GPHN: variants seen among roughly 807,000 people sequenced by gnomAD.
The protein encoded by GPHN is gephyrin.
In GPHN, 17 loss-of-function variants were observed where a neutral mutation model predicts 95.5. The observed-to-expected ratio is 0.18, with a 90% CI of 0.12 to 0.27. The LOEUF (loss-of-function observed/expected upper bound fraction) is 0.27. Ranked by LOEUF, GPHN falls within the 10% of genes least tolerant of loss-of-function variation. The probability of loss-of-function intolerance (pLI) is 1.00; values close to 1 mark genes in which losing one functional copy is unlikely to be tolerated. For synonymous variants in GPHN, 320 were observed against 322.5 expected (o/e 0.99, Z 0.08); for missense variants, 660 against 978.1 (o/e 0.67, Z 4.34).
At chr14:67,018,062 C>T (rs1193634411) in intron 9 of GPHN, among the ~76,000 whole-genome samples, 1 of 152,060 alleles carries the variant, frequency 6.6e-6, no homozygotes, top group Non-Finnish European at 1.5e-5. Flanking sequence ...TAAGAACCTG[C>T]AGTCTACTTG....
the GPHN span, chr14:67,488,811 T>C: frequency 6.6e-6 from 1 of 152,258 alleles, no homozygotes; most frequent in African/African-American, 2.4e-5. Context: ...CCTGCTGAGG[T>C]GCAGCCCTGG....
At chr14:66,640,339 T>C (rs923672621) in intron 1 of GPHN, among the ~76,000 whole-genome samples, 2 of 152,142 alleles carry the variant, frequency 1.3e-5, no homozygotes, top group African/African-American at 4.8e-5. Context: ...GGAGCATCAC[T>C]TGAACCTTGG....
chr14:67,283,550 A>G, the GPHN span, among the ~76,000 whole-genome samples: 8 of 152,282 alleles, frequency 5.3e-5, no homozygotes, highest in South Asian at 2.1e-4. Context: ...TTGTTTAGCT[A>G]TTGTTACAGA....
At chr14:67,341,121 CTG>C in the GPHN span, among the ~76,000 whole-genome samples, 2 of 152,208 alleles carry the variant, frequency 1.3e-5, no homozygotes, top group African/African-American at 4.8e-5. Context: ...AGGAGCCTCT[CTG>C]CCTGGCCGCC....
the GPHN span, chr14:67,573,325 A>C: frequency 6.2e-7 from 1 of 1,613,812 alleles, no homozygotes; most frequent in South Asian, 1.1e-5. This position sits in a 1 kb window ranked among gnomAD's most constrained non-coding sequence, Gnocchi z 4.8. Flanking sequence ...AGCCAGGTGA[A>C]GACGTGGAAG....
chr14:67,255,701 G>C, the GPHN span, among the ~76,000 whole-genome samples: 3 of 152,210 alleles, frequency 2.0e-5, no homozygotes, highest in Admixed American at 1.3e-4. Context: ...TTGTTTTTGA[G>C]ATGGAGTCTC....
the GPHN span, among the ~76,000 whole-genome samples, chr14:67,556,989 C>T: frequency 5.3e-5 from 8 of 152,354 alleles, no homozygotes; most frequent in African/African-American, 1.9e-4. Flanking sequence ...GCACAAGACC[C>T]AGCTGCTTTT....
chr14:67,208,260 A>T, the GPHN span: 8 of 1,613,946 alleles, frequency 5.0e-6, no homozygotes, highest in Non-Finnish European at 6.8e-6. Flanking sequence ...AGTAAGAGTG[A>T]GTTGAAAGAA....
At chr14:66,840,940 T>C (rs949031242) in intron 4 of GPHN, among the ~76,000 whole-genome samples, 7 of 149,348 alleles carry the variant, frequency 4.7e-5, no homozygotes, top group Non-Finnish European at 1.0e-4. Context: ...TAATGCTTCA[T>C]GGACTCAAAT....
chr14:67,583,825 G>A, the GPHN span: 2 of 1,613,254 alleles, frequency 1.2e-6, no homozygotes, highest in South Asian at 1.1e-5. Flanking sequence ...TCTCCAGCAG[G>A]TCCTAGACAG....
chr14:66,806,079 C>T (rs750185041), intron 3 of GPHN, among the ~76,000 whole-genome samples: 16 of 152,312 alleles, frequency 1.1e-4, no homozygotes, highest in South Asian at 8.3e-4. Context: ...ATCTAGATGG[C>T]GGTTCCCAAA....
At chr14:66,523,156 A>C (rs1212438370) in intron 1 of GPHN, among the ~76,000 whole-genome samples, 1 of 152,140 alleles carries the variant, frequency 6.6e-6, no homozygotes, top group Non-Finnish European at 1.5e-5. Context: ...AGAAAAAGAC[A>C]CAGACATTCA....
At position 67,136,930 on chromosome 14, in the gene GPHN, T is replaced by C. The variant is rs535877359; in HGVS notation, c.1749-6432T>C. 2.2e-4 allele frequency among the ~76,000 whole-genome samples: 33 copies of C among 152,204 alleles called. 1 individual carries two copies. Among genetic ancestry groups the C allele is most frequent in the Non-Finnish European group, 4.1e-4 (28 of 68,022 alleles). ...GGCTAGGCGCAGTGGCTCATGCCTA[T>C]AATCCCAGCGCTTTGGGAGGCCAGG... is the stretch of plus-strand genomic sequence containing the variant. On this transcript the variant is annotated intron_variant, in intron 17 of 22. Coordinates refer to ENST00000478722, the MANE Select transcript of GPHN (RefSeq NM_020806.5).
chr14:66,847,684 A>T (rs902712767), intron 4 of GPHN, among the ~76,000 whole-genome samples: 1 of 152,114 alleles, frequency 6.6e-6, no homozygotes, highest in South Asian at 2.1e-4. Context: ...TGTATTCAAG[A>T]CCTTGCAAAG....
At chr14:67,532,442 T>A in the GPHN span, among the ~76,000 whole-genome samples, 1 of 152,172 alleles carries the variant, frequency 6.6e-6, no homozygotes, top group Admixed American at 6.5e-5. Flanking sequence ...CCTAGCCAAA[T>A]GTTGAGTTTT....
chr14:66,522,639 A>C (rs558582977), intron 1 of GPHN, among the ~76,000 whole-genome samples: 3 of 152,078 alleles, frequency 2.0e-5, no homozygotes, highest in Non-Finnish European at 4.4e-5. Flanking sequence ...TCTCTTGAAA[A>C]TCTGTGTATG....
Position 67,149,805 on chromosome 14 carries a change from G to A in GPHN, c.1836+6356G>A, listed in dbSNP as rs376621667. 4.6e-5 allele frequency among the ~76,000 whole-genome samples: 7 copies of A among 152,180 alleles called. No homozygotes were observed. In the South Asian group the frequency reaches 8.3e-4, roughly 18 times the overall value. On this transcript the variant is annotated intron_variant, in intron 18 of 22. Coordinates refer to ENST00000478722, the MANE Select transcript of GPHN (RefSeq NM_020806.5). ...ACAAAGAACACAACTTTCTACTGCG[G>A]GACACATCCCTTTTACACCTTAGTG...
At position 66,617,001 on chromosome 14, in the gene GPHN, C is replaced by T. The variant is rs574981927; in HGVS notation, c.65-64106C>T. 1.2e-4 allele frequency among the ~76,000 whole-genome samples: 19 copies of T among 152,280 alleles called. 1 individual carries two copies. In the South Asian group the frequency reaches 2.5e-3, roughly 20 times the overall value. ...GATTACAGGCGTGAGCCACCATCTG[C>T]GCCCGGCTGAACAGGACCCATTTAA... On this transcript the variant is annotated intron_variant, in intron 1 of 22. Transcript: ENST00000478722.
chr14:66,707,720 C>T (rs1242567802), intron 2 of GPHN, among the ~76,000 whole-genome samples: 2 of 152,048 alleles, frequency 1.3e-5, no homozygotes, highest in Non-Finnish European at 2.9e-5. Context: ...TGCAGTAAAT[C>T]ACTGTGGCAC....
Sources: gnomAD v4.1 joint callset for allele counts (sites outside exome capture counted in the v4.1 genomes callset) on GRCh38, gnomAD v4.1.1 for gene constraint, Gnocchi (gnomAD v3.1) non-coding constraint, MANE v1.5 for transcripts, NCBI Gene and HGNC (gene_info 2026-07-23, HGNC 2026-07-21) for gene names.